The following EBF3 variants were observed in gnomAD, a reference collection of about 807,000 sequenced individuals.
EBF3 encodes the protein EBF transcription factor 3, also known as transcription factor COE3.
Under a neutral mutation model 77.1 loss-of-function variants are expected in EBF3, and 18 were observed. The ratio of observed to expected loss-of-function variants is 0.23; its 90% CI spans 0.16 to 0.35. EBF3 has a LOEUF of 0.35. Ranked by LOEUF, EBF3 falls within the 10% of genes least tolerant of loss-of-function variation. The probability of loss-of-function intolerance (pLI) is 1.00; values close to 1 mark genes in which losing one functional copy is unlikely to be tolerated. For synonymous variants in EBF3, 350 were observed against 343.5 expected (o/e 1.02, Z -0.21); for missense variants, 558 against 860.0 (o/e 0.65, Z 4.39).
At chr10:129,920,570 C>T (rs1393715958) in intron 6 of EBF3, among the ~76,000 whole-genome samples, 2 of 152,224 alleles carry the variant, frequency 1.3e-5, no homozygotes, top group Non-Finnish European at 2.9e-5. Flanking sequence ...GATAGAATTT[C>T]AACCAGCCTT....
At position 129,837,280 on chromosome 10, in the gene EBF3, G is replaced by A. The variant is rs369135580; in HGVS notation, c.*663C>T. On this transcript the variant is annotated 3_prime_UTR_variant, in exon 17 of 17. Coordinates refer to ENST00000440978, the MANE Select transcript of EBF3 (RefSeq NM_001375380.1). ...GTCAGTGTGCTTGTTGAAGGCAAGA[G>A]AATTCAATATCAAAGTTACAATTTC... The A allele has an allele frequency of 6.5e-6, 1 of 152,716 alleles. No individual in the cohort carries two copies. The highest frequency in any genetic ancestry group is 2.1e-4 in the South Asian group (1 of 4,832). The allele number at this position is 152,716 out of a possible 1,614,324, so 9.5% of individuals were successfully genotyped here. A position where few individuals can be genotyped will look rare whatever the true frequency, so the allele number is the denominator to read the frequency against.
chr10:129,887,898 C>T (rs953929647), intron 6 of EBF3, among the ~76,000 whole-genome samples: 3 of 152,150 alleles, frequency 2.0e-5, no homozygotes, highest in Non-Finnish European at 4.4e-5. Flanking sequence ...CCCGCCCCCA[C>T]GCTCCTCATA....
chr10:129,857,416 C>T (rs1851328871), intron 10 of EBF3, among the ~76,000 whole-genome samples: 1 of 152,158 alleles, frequency 6.6e-6, no homozygotes, highest in African/African-American at 2.4e-5. Context: ...GCCCCATGCC[C>T]AGCTGGCACT....
At chr10:129,874,988 A>T (rs1852656462) in intron 7 of EBF3, among the ~76,000 whole-genome samples, 1 of 152,046 alleles carries the variant, frequency 6.6e-6, no homozygotes, top group South Asian at 2.1e-4. Context: ...TTAAACCTAA[A>T]CTTCTCTAAG....
chr10:129,898,836 C>T (rs567283132), intron 6 of EBF3, among the ~76,000 whole-genome samples: 12 of 152,340 alleles, frequency 7.9e-5, no homozygotes, highest in African/African-American at 2.4e-4. Context: ...CCTCCTCCCG[C>T]GCCCAGGCCC....
At chr10:129,940,782 G>A (rs1276344463) in intron 6 of EBF3, among the ~76,000 whole-genome samples, 1 of 152,164 alleles carries the variant, frequency 6.6e-6, no homozygotes, top group African/African-American at 2.4e-5. Context: ...AGGATGCCAG[G>A]GGAACCGCGG....
chr10:129,886,597 G>A, intron 6 of EBF3, among the ~76,000 whole-genome samples: 1 of 152,162 alleles, frequency 6.6e-6, no homozygotes, highest in East Asian at 1.9e-4. Flanking sequence ...CCAGGCAGCT[G>A]TGTTGGAATA....
intron 6 of EBF3, among the ~76,000 whole-genome samples, chr10:129,921,341 C>A (rs1856291634): frequency 6.6e-6 from 1 of 152,102 alleles, no homozygotes; most frequent in Admixed American, 6.5e-5. Flanking sequence ...CTGGAATAAA[C>A]CCTCCCCGCA....
At chr10:129,894,266 T>A (rs1346150276) in intron 6 of EBF3, among the ~76,000 whole-genome samples, 2 of 152,240 alleles carry the variant, frequency 1.3e-5, no homozygotes, top group African/African-American at 4.8e-5. Flanking sequence ...AATGAATAAC[T>A]CTTCATCATT....
chr10:129,868,279 A>AGAT (rs1217392226), intron 8 of EBF3, among the ~76,000 whole-genome samples: 13 of 152,340 alleles, frequency 8.5e-5, no homozygotes, highest in Non-Finnish European at 1.8e-4. Flanking sequence ...TTGTTGAAGG[A>AGAT]GATGGAAGAG....
At chr10:129,876,885 A>ATCCCCCCCCCCCC (rs1852809898) in intron 7 of EBF3, among the ~76,000 whole-genome samples, 1 of 42,368 alleles carries the variant, frequency 2.4e-5, no homozygotes, top group African/African-American at 8.2e-5. Context: ...TCATCCCTGA[A>ATCCCCCCCCCCCC]CCCCCCCCCC....
chr10:129,917,651 C>CAAAAAAA (rs71481019), intron 6 of EBF3, among the ~76,000 whole-genome samples: 844 of 23,518 alleles, frequency 0.036, 168 homozygotes, highest in Non-Finnish European at 0.045. Context: ...GACCCTGCCT[C>CAAAAAAA]AAAAAAAAAA....
At chr10:129,858,005 G>A (rs1290570283) in intron 10 of EBF3, among the ~76,000 whole-genome samples, 4 of 152,226 alleles carry the variant, frequency 2.6e-5, no homozygotes, top group East Asian at 1.9e-4. Flanking sequence ...CAGGAAAGGC[G>A]AATCACCGAT....
At chr10:129,940,986 G>A (rs1375968878) in intron 6 of EBF3, among the ~76,000 whole-genome samples, 1 of 152,184 alleles carries the variant, frequency 6.6e-6, no homozygotes, top group East Asian at 1.9e-4. Flanking sequence ...TCTACAATGG[G>A]ACCCACCCCA....
At chr10:129,891,542 G>A (rs867013453) in intron 6 of EBF3, among the ~76,000 whole-genome samples, 3 of 152,136 alleles carry the variant, frequency 2.0e-5, no homozygotes, top group Admixed American at 6.5e-5. Context: ...TCACGAAAAC[G>A]ACTGTTGTGT....
intron 6 of EBF3, among the ~76,000 whole-genome samples, chr10:129,901,796 T>A (rs1440977624): frequency 6.6e-6 from 1 of 152,160 alleles, no homozygotes; most frequent in Non-Finnish European, 1.5e-5. Context: ...TCTGGTTTAA[T>A]GAGTTGGGGT....
At chr10:129,950,488 G>A (rs1394808199) in intron 6 of EBF3, among the ~76,000 whole-genome samples, 1 of 152,184 alleles carries the variant, frequency 6.6e-6, no homozygotes, top group African/African-American at 2.4e-5. Context: ...CTATCGAATT[G>A]TTGGCAAATT....
chr10:129,905,462 G>A (rs1855077370), intron 6 of EBF3, among the ~76,000 whole-genome samples: 1 of 151,834 alleles, frequency 6.6e-6, no homozygotes, highest in Non-Finnish European at 1.5e-5. Context: ...CTTTGTTAGT[G>A]TGGTTACTTG....
At chr10:129,954,722 T>C (rs1027718764) in intron 6 of EBF3, among the ~76,000 whole-genome samples, 3 of 152,172 alleles carry the variant, frequency 2.0e-5, no homozygotes, top group African/African-American at 4.8e-5. Context: ...ACCTGCTAAA[T>C]GTATCCAAAG....
Sources: gnomAD v4.1 joint callset for allele counts (sites outside exome capture counted in the v4.1 genomes callset) on GRCh38, gnomAD v4.1.1 for gene constraint, MANE v1.5 for transcripts, NCBI Gene and HGNC (gene_info 2026-07-23, HGNC 2026-07-21) for gene names.